Variants in KANSL1 observed in about 807,000 individuals in gnomAD.
KANSL1 encodes the protein KAT8 regulatory NSL complex subunit 1, also known as MLL1/MLL complex subunit KANSL1.
Under a neutral mutation model 103.6 loss-of-function variants are expected in KANSL1, and 22 were observed. That is an observed-to-expected ratio of 0.21 (90% confidence interval 0.15 to 0.30). The LOEUF is 0.30. Among genes scored for constraint, KANSL1 ranks in the 10% least tolerant of loss-of-function variants. The pLI is 1.00. For missense variants in KANSL1, 1,337 were observed against 1,399.8 expected (o/e 0.96, Z 0.72); for synonymous variants, 600 against 527.6 (o/e 1.14, Z -1.88).
intron 10 of KANSL1, 146 bp from the exon 11 acceptor site, chr17:46,034,431 C>T (rs1379078347): frequency 5.1e-6 from 4 of 777,898 alleles, no homozygotes; most frequent in South Asian, 4.8e-5. Flanking sequence ...GCTGCTCCCA[C>T]CTAGGAGTCA....
chr17:46,099,569 G>A (rs1166362443), intron 2 of KANSL1, among the ~76,000 whole-genome samples: 3 of 152,190 alleles, frequency 2.0e-5, no homozygotes, highest in Non-Finnish European at 2.9e-5. Flanking sequence ...TGAGGACTTG[G>A]TTTCTAATAT....
chr17:46,045,440 A>AAAAAAAAAAATATATATAT (rs950085495), intron 7 of KANSL1: 1 of 144,860 alleles, frequency 6.9e-6, no homozygotes, highest in Non-Finnish European at 1.6e-5. Flanking sequence ...TACATGTAAA[A>AAAAAAAAAAATATATATAT]ATATATATAT....
intron 6 of KANSL1, among the ~76,000 whole-genome samples, chr17:46,064,974 T>G (rs902277805): frequency 3.9e-5 from 6 of 151,934 alleles, no homozygotes; most frequent in African/African-American, 1.5e-4. Context: ...TTTTGTTTGT[T>G]TTTTTGTTTT....
At chr17:46,092,715 T>TTTGGGG (rs1568438853) in intron 3 of KANSL1, among the ~76,000 whole-genome samples, 1 of 21,620 alleles carries the variant, frequency 4.6e-5, no homozygotes, top group Admixed American at 8.4e-4. Context: ...TTTTTTTTTT[T>TTTGGGG]GGGGGGGGGG....
chr17:46,140,896 G>C (rs909336967), intron 2 of KANSL1, among the ~76,000 whole-genome samples: 1 of 152,170 alleles, frequency 6.6e-6, no homozygotes, highest in Admixed American at 6.5e-5. Context: ...AATGTGGAGA[G>C]AATGGAACCC....
chr17:46,089,814 C>T (rs1164853623), intron 3 of KANSL1, among the ~76,000 whole-genome samples: 1 of 152,172 alleles, frequency 6.6e-6, no homozygotes, highest in African/African-American at 2.4e-5. Flanking sequence ...TCTTGAAAAT[C>T]GTGAATGAGA....
Position 46,105,935 on chromosome 17 carries a change from ACACACACACACAC to A in KANSL1, c.1290-11247_1290-11235del, listed in dbSNP as rs1051488330. ...CACACACACACACACACACACACAC[ACACACACACACAC>A]CCCCCCAGAAGGGTGAAGGAGCAGA... On this transcript the variant is annotated intron_variant, in intron 2 of 14. Transcript: ENST00000432791. Among the ~76,000 whole-genome samples, 17 of 91,062 alleles carry A rather than the reference ACACACACACACAC, an allele frequency of 1.9e-4. No homozygotes were observed. In the South Asian group the frequency reaches 2.2e-3, roughly 12 times the overall value. The allele number at this position is 91,062 out of a possible 152,430, so 59.7% of individuals were successfully genotyped here.
upstream of KANSL1, chr17:46,193,526 C>CCCCGGCGCGCCGCCAGGGGGCG (rs1203652014): frequency 1.4e-5 from 2 of 147,860 alleles, no homozygotes; most frequent in Non-Finnish European, 3.0e-5. Flanking sequence ...GGCCGCTCCA[C>CCCCGGCGCGCCGCCAGGGGGCG]CCCGGCGCGC....
chr17:46,159,392 C>G (rs948454287), intron 2 of KANSL1, among the ~76,000 whole-genome samples: 4 of 152,294 alleles, frequency 2.6e-5, no homozygotes, highest in Admixed American at 6.5e-5. Flanking sequence ...ACCACAAATG[C>G]TAAGAAAAAT....
At chr17:46,086,316 G>A (rs1297872358) in intron 3 of KANSL1, among the ~76,000 whole-genome samples, 2 of 152,072 alleles carry the variant, frequency 1.3e-5, no homozygotes, top group African/African-American at 2.4e-5. Flanking sequence ...TCTATTCATC[G>A]ACATAATTTT....
intron 6 of KANSL1, among the ~76,000 whole-genome samples, chr17:46,064,172 A>G (rs1322546712): frequency 6.6e-6 from 1 of 152,050 alleles, no homozygotes; most frequent in Non-Finnish European, 1.5e-5. Flanking sequence ...AGTCCGAGGA[A>G]TAGACAGGAA....
chr17:46,166,605 T>G (rs1041436855), intron 2 of KANSL1, among the ~76,000 whole-genome samples: 1 of 152,118 alleles, frequency 6.6e-6, no homozygotes, highest in Admixed American at 6.5e-5. Flanking sequence ...CTGAACTGCA[T>G]CCATAGTCTA....
intron 2 of KANSL1, among the ~76,000 whole-genome samples, chr17:46,127,862 C>T (rs1167985326): frequency 1.3e-5 from 2 of 152,176 alleles, no homozygotes; most frequent in African/African-American, 4.8e-5. Context: ...TTTCCTACAC[C>T]AGTTACCAGT....
At chr17:46,038,984 G>T (rs772681979) in intron 9 of KANSL1, 43 bp downstream of exon 9, 1 of 1,588,142 alleles carries the variant, frequency 6.3e-7, no homozygotes, top group Non-Finnish European at 8.5e-7. Context: ...AAAGCCCTGA[G>T]CAGGTGCAGT....
At chr17:46,127,938 TAG>T (rs975847844) in intron 2 of KANSL1, among the ~76,000 whole-genome samples, 2 of 152,114 alleles carry the variant, frequency 1.3e-5, no homozygotes, top group African/African-American at 4.8e-5. Flanking sequence ...GAATTTAAAA[TAG>T]AACATCACAA....
chr17:46,196,459 A>C (rs1298400967), upstream of KANSL1: 12 of 456,040 alleles, frequency 2.6e-5, no homozygotes, highest in Non-Finnish European at 4.4e-5. Flanking sequence ...ATGATGGAGG[A>C]AAAAACAGTC....
At chr17:46,084,839 T>C (rs910360187) in intron 3 of KANSL1, among the ~76,000 whole-genome samples, 3 of 152,054 alleles carry the variant, frequency 2.0e-5, no homozygotes, top group African/African-American at 4.8e-5. Flanking sequence ...TTCAAAATAT[T>C]TTCTTCCCTA....
At chr17:46,141,880 A>G (rs910128238) in intron 2 of KANSL1, among the ~76,000 whole-genome samples, 1 of 152,170 alleles carries the variant, frequency 6.6e-6, no homozygotes, top group Non-Finnish European at 1.5e-5. Context: ...TTAAAAGGGT[A>G]GTTTCTTTCT....
chr17:46,156,537 A>C (rs1160934878), intron 2 of KANSL1, among the ~76,000 whole-genome samples: 1 of 152,246 alleles, frequency 6.6e-6, no homozygotes, highest in Non-Finnish European at 1.5e-5. Flanking sequence ...AGATTTCAGC[A>C]TTTAATGCCT....
Sources: allele counts gnomAD v4.1 joint callset (sites outside exome capture counted in the v4.1 genomes callset), GRCh38; gene constraint gnomAD v4.1.1; transcripts MANE v1.5; gene names NCBI Gene and HGNC (gene_info 2026-07-23, HGNC 2026-07-21).